Variants in NRXN3 observed in about 807,000 individuals in gnomAD.
The protein encoded by NRXN3 is neurexin 3.
Under a neutral mutation model 137.6 loss-of-function variants are expected in NRXN3, and 32 were observed. The observed-to-expected ratio is 0.23, with a 90% CI of 0.18 to 0.31. The LOEUF is 0.31. Ranked by LOEUF, NRXN3 falls within the 10% of genes least tolerant of loss-of-function variation. The pLI, the probability that NRXN3 is intolerant of heterozygous loss-of-function variation, is 1.00. For missense variants in NRXN3, 1,574 were observed against 2,062.5 expected (o/e 0.76, Z 4.59); for synonymous variants, 798 against 784.5 (o/e 1.02, Z -0.29).
chr14:79,715,108 C>T (rs1008626557), intron 19 of NRXN3, among the ~76,000 whole-genome samples: 40 of 152,092 alleles, frequency 2.6e-4, no homozygotes, highest in Admixed American at 2.0e-3. Context: ...TGCCCACCAC[C>T]GCACCTGGCC....
At chr14:79,017,707 A>T (rs921782519) in intron 15 of NRXN3, among the ~76,000 whole-genome samples, 3 of 152,166 alleles carry the variant, frequency 2.0e-5, no homozygotes, top group Non-Finnish European at 4.4e-5. Context: ...GTTCTCTGTT[A>T]ACAATGGGCA....
At chr14:79,386,511 A>C (rs2094623482) in intron 15 of NRXN3, among the ~76,000 whole-genome samples, 1 of 152,188 alleles carries the variant, frequency 6.6e-6, no homozygotes, top group Non-Finnish European at 1.5e-5. Context: ...AATATCGTGA[A>C]AATGGCCATA....
chr14:79,768,587 A>C (rs1366322698), intron 19 of NRXN3, among the ~76,000 whole-genome samples: 2 of 152,200 alleles, frequency 1.3e-5, no homozygotes, highest in East Asian at 3.9e-4. Flanking sequence ...GAAAACTAAC[A>C]AACAGAAAGG....
intron 19 of NRXN3, among the ~76,000 whole-genome samples, chr14:79,717,789 A>C (rs1255975610): frequency 6.6e-6 from 1 of 152,086 alleles, no homozygotes; most frequent in Non-Finnish European, 1.5e-5. Context: ...TCTTATCTCA[A>C]ATGTCTCTTA....
At chr14:78,613,251 T>C (rs1296938546) in intron 4 of NRXN3, among the ~76,000 whole-genome samples, 1 of 152,236 alleles carries the variant, frequency 6.6e-6, no homozygotes, top group Non-Finnish European at 1.5e-5. Flanking sequence ...GTTTAGTATT[T>C]ATGCCATTTT....
intron 15 of NRXN3, among the ~76,000 whole-genome samples, chr14:79,002,117 C>T (rs1047495588): frequency 2.6e-5 from 4 of 152,070 alleles, no homozygotes; most frequent in Middle Eastern, 3.4e-3. Context: ...GTGTGTGGGT[C>T]GTAGGGTTAC....
intron 4 of NRXN3, among the ~76,000 whole-genome samples, chr14:78,619,632 GT>G (rs2097379817): frequency 6.6e-6 from 1 of 151,956 alleles, no homozygotes; most frequent in Admixed American, 6.6e-5. Context: ...AGATCTGATG[GT>G]TTTATAAGGG....
At chr14:78,496,052 C>A (rs1395308418) in intron 4 of NRXN3, among the ~76,000 whole-genome samples, 2 of 152,134 alleles carry the variant, frequency 1.3e-5, no homozygotes, top group East Asian at 3.9e-4. Context: ...AAATGGGGAC[C>A]ACATTGAAGA....
intron 8 of NRXN3, among the ~76,000 whole-genome samples, chr14:78,718,399 A>G (rs2098444135): frequency 6.6e-6 from 1 of 152,176 alleles, no homozygotes; most frequent in Admixed American, 6.5e-5. Context: ...TGGAGTTTTC[A>G]TGGCCCAGGT....
intron 4 of NRXN3, among the ~76,000 whole-genome samples, chr14:78,310,768 T>A (rs2077888166): frequency 6.6e-6 from 1 of 152,112 alleles, no homozygotes; most frequent in Admixed American, 6.6e-5. Flanking sequence ...GTACTGATGT[T>A]AGTGTTTGAC....
At chr14:78,801,652 A>G (rs1016181022) in intron 8 of NRXN3, among the ~76,000 whole-genome samples, 1 of 152,252 alleles carries the variant, frequency 6.6e-6, no homozygotes, top group Admixed American at 6.5e-5. Flanking sequence ...GTGGGGACAC[A>G]GAGCCAAACC....
rs372951186 is a variant in NRXN3, at chr14:79,714,990, G to A, written c.4014+17053G>A. Among the ~76,000 whole-genome samples, 24 of 151,982 alleles carry A rather than the reference G, an allele frequency of 1.6e-4. No individual in the cohort carries two copies. In the East Asian group the frequency reaches 2.7e-3, roughly 17 times the overall value. ...TTTTCTTGAGACGGTGTCTCACTCC[G>A]TCACCCAGGCTGGAGGGCAGTGGCG... is the stretch of plus-strand genomic sequence containing the variant. On this transcript the variant is annotated intron_variant, in intron 19 of 20. Coordinates refer to ENST00000335750, the MANE Select transcript of NRXN3 (RefSeq NM_001330195.2).
rs150314419 is a variant in NRXN3, at chr14:79,802,743, G to A, written c.4015-2369G>A. ...AGAGCTATTATAGGGCCCCCTCTCA[G>A]CAGGAAACACCAAGGGAATATGCTT... is the stretch of plus-strand genomic sequence containing the variant. On this transcript the variant is annotated intron_variant, in intron 19 of 20. Transcript: ENST00000335750. 2.6e-3 allele frequency among the ~76,000 whole-genome samples: 403 copies of A among 152,176 alleles called. 2 individuals are homozygous for A. Among genetic ancestry groups the A allele is most frequent in the African/African-American group, 9.3e-3 (387 of 41,496 alleles).
intron 4 of NRXN3, among the ~76,000 whole-genome samples, chr14:78,427,778 A>G (rs1291597861): frequency 6.6e-6 from 1 of 152,232 alleles, no homozygotes; most frequent in Non-Finnish European, 1.5e-5. Context: ...AGCCCAGGCT[A>G]AGAACACAGA....
At chr14:79,495,666 A>G (rs560974387) in intron 16 of NRXN3, among the ~76,000 whole-genome samples, 3 of 152,276 alleles carry the variant, frequency 2.0e-5, no homozygotes, top group East Asian at 3.9e-4. Flanking sequence ...TATTAATACT[A>G]TTTTACAGAT....
chr14:79,726,189 A>G (rs1355745594), intron 19 of NRXN3, among the ~76,000 whole-genome samples: 1 of 152,184 alleles, frequency 6.6e-6, no homozygotes, highest in Non-Finnish European at 1.5e-5. Flanking sequence ...AGGAAGTTTT[A>G]ATGAAAAGTC....
chr14:79,231,369 T>A (rs2072163078), intron 15 of NRXN3, among the ~76,000 whole-genome samples: 1 of 152,178 alleles, frequency 6.6e-6, no homozygotes, highest in African/African-American at 2.4e-5. Flanking sequence ...TCTAAGCCAA[T>A]GTGGGTGCCT....
intron 2 of NRXN3, among the ~76,000 whole-genome samples, chr14:78,252,464 C>T (rs1372893381): frequency 6.6e-6 from 1 of 152,104 alleles, no homozygotes; most frequent in Non-Finnish European, 1.5e-5. Flanking sequence ...TACTGAGAGC[C>T]TTATTTAAGT....
At chr14:79,373,375 G>C (rs758686750) in intron 15 of NRXN3, among the ~76,000 whole-genome samples, 47 of 152,076 alleles carry the variant, frequency 3.1e-4, no homozygotes, top group Non-Finnish European at 6.3e-4. Context: ...TGGGCTGGTT[G>C]GTTATAGCTG....
Sources: allele counts gnomAD v4.1 joint callset (sites outside exome capture counted in the v4.1 genomes callset), GRCh38; gene constraint gnomAD v4.1.1; transcripts MANE v1.5; gene names NCBI Gene and HGNC (gene_info 2026-07-23, HGNC 2026-07-21).